Variants in RGS17 observed in about 807,000 individuals in gnomAD.
The protein encoded by RGS17 is regulator of G protein signaling 17, also known as regulator of G-protein signaling 17.
A neutral mutation model predicts 25.5 loss-of-function variants in RGS17; 12 were observed. The ratio of observed to expected loss-of-function variants is 0.47; its 90% CI spans 0.30 to 0.76. The LOEUF is 0.76. RGS17 is among the 30% of genes least tolerant of loss of function. The probability of loss-of-function intolerance (pLI) is 0.07; values close to 1 mark genes in which losing one functional copy is unlikely to be tolerated. For synonymous variants in RGS17, 71 were observed against 76.9 expected (o/e 0.92, Z 0.40); for missense variants, 196 against 242.2 (o/e 0.81, Z 1.27).
chr6:153,085,635 A>G (rs1050635069), intron 1 of RGS17, among the ~76,000 whole-genome samples: 4 of 152,244 alleles, frequency 2.6e-5, no homozygotes, highest in Non-Finnish European at 2.9e-5. Flanking sequence ...CCCAAGGATA[A>G]TAACTTTTGA....
At chr6:153,101,192 T>A (rs912798690) in intron 1 of RGS17, among the ~76,000 whole-genome samples, 2 of 152,244 alleles carry the variant, frequency 1.3e-5, no homozygotes, top group Admixed American at 1.3e-4. Flanking sequence ...CTATGAATAC[T>A]CTATACAGTT....
rs1562310604 is a variant in RGS17, at chr6:153,010,095, G to T, written c.*1479C>A. On this transcript the variant is annotated 3_prime_UTR_variant, in exon 5 of 5. Transcript: ENST00000206262. Reference sequence around the variant, plus strand: ...ACTGTAATATCATCCTTAATATAAGGCCAGTGTTCTCAGTGGATATAAATC... The same window carrying T: ...ACTGTAATATCATCCTTAATATAAGTCCAGTGTTCTCAGTGGATATAAATC... The T allele has an allele frequency of 6.6e-6, 1 of 151,296 alleles. No individual in the cohort carries two copies. 9.4% of individuals were successfully genotyped at this position (151,296 alleles called of 1,614,324 possible).
intron 2 of RGS17, among the ~76,000 whole-genome samples, chr6:153,033,679 C>T (rs547263939): frequency 7.9e-5 from 12 of 152,176 alleles, no homozygotes; most frequent in Non-Finnish European, 1.5e-4. Context: ...GATGGCACCA[C>T]TGCACTCCAG....
intron 2 of RGS17, among the ~76,000 whole-genome samples, chr6:153,027,789 G>GGCT (rs1479284359): frequency 6.6e-6 from 1 of 152,114 alleles, no homozygotes; most frequent in Non-Finnish European, 1.5e-5. Flanking sequence ...TATGAACCAT[G>GGCT]GCTGCTGATA....
In RGS17 at chr6:153,049,278, A is replaced by G. The variant is rs147862301; in HGVS notation, c.-25-5235T>C. Among the ~76,000 whole-genome samples, 5 of 152,308 alleles carry G rather than the reference A, an allele frequency of 3.3e-5. No homozygotes were observed. In the East Asian group the frequency reaches 5.8e-4, roughly 18 times the overall value. ...ATGAATTTGAATATATAAGAAAAAT[A>G]AAGGCATAGTTCAATAGCAAAACCA... On this transcript the variant is annotated intron_variant, in intron 1 of 4. Transcript: ENST00000206262.
intron 1 of RGS17, among the ~76,000 whole-genome samples, chr6:153,113,880 A>G (rs1008953984): frequency 7.2e-5 from 11 of 152,208 alleles, no homozygotes; most frequent in Admixed American, 3.9e-4. Context: ...TTTGAAACCA[A>G]TGAGAACAAA....
intron 1 of RGS17, among the ~76,000 whole-genome samples, chr6:153,100,263 A>G (rs973275954): frequency 9.2e-5 from 14 of 152,182 alleles, no homozygotes; most frequent in Admixed American, 8.5e-4. Flanking sequence ...TACATCATAT[A>G]TTTTTTGTAA....
chr6:153,058,898 A>AT (rs34700376), intron 1 of RGS17, among the ~76,000 whole-genome samples: 93 of 147,124 alleles, frequency 6.3e-4, no homozygotes, highest in African/African-American at 8.2e-4. Flanking sequence ...TCGTTAGCGC[A>AT]TTTTTTTTTT....
chr6:153,050,553 G>GT (rs1220719754), intron 1 of RGS17, among the ~76,000 whole-genome samples: 1 of 152,134 alleles, frequency 6.6e-6, no homozygotes, highest in African/African-American at 2.4e-5. Context: ...ATTTTCCACT[G>GT]TTAAAAAGTC....
At chr6:153,105,868 T>C (rs373954077) in intron 1 of RGS17, among the ~76,000 whole-genome samples, 10 of 152,180 alleles carry the variant, frequency 6.6e-5, no homozygotes, top group African/African-American at 2.2e-4. Flanking sequence ...CTGTAGGTAA[T>C]GGGGAGGCAC....
intron 4 of RGS17, among the ~76,000 whole-genome samples, chr6:153,014,626 G>T (rs969214726): frequency 2.0e-5 from 3 of 152,014 alleles, no homozygotes; most frequent in African/African-American, 4.8e-5. Flanking sequence ...GTGAAAACCC[G>T]TCTCTACTAA....
In RGS17 at chr6:153,050,488, G is replaced by C. The variant is rs571510713; in HGVS notation, c.-25-6445C>G. 1.3e-4 allele frequency among the ~76,000 whole-genome samples: 20 copies of C among 152,254 alleles called. 1 individual carries two copies. Among genetic ancestry groups the C allele is most frequent in the Middle Eastern group, 6.8e-3 (2 of 294 alleles). On this transcript the variant is annotated intron_variant, in intron 1 of 4. Coordinates refer to ENST00000206262, the MANE Select transcript of RGS17 (RefSeq NM_012419.5). ...ATAAATACTCCAAATTAAATGAATA[G>C]ATGCTCAGAACTATTAATCAGAGAA...
chr6:153,023,349 C>A, intron 4 of RGS17: 1 of 506,514 alleles, frequency 2.0e-6, no homozygotes, highest in Non-Finnish European at 3.9e-6. Flanking sequence ...ACAAAAAAGA[C>A]AAAAAGAGGC....
At chr6:153,048,239 A>AGGCTTTTC in intron 1 of RGS17, among the ~76,000 whole-genome samples, 1 of 152,282 alleles carries the variant, frequency 6.6e-6, no homozygotes, top group East Asian at 1.9e-4. Context: ...ACTGAATGAA[A>AGGCTTTTC]AGCCTCATCC....
rs1325842229 is a variant in RGS17 at position 153,004,999 on chromosome 6, A to G, written c.*6575T>C. The G allele has an allele frequency of 6.6e-6, 1 of 152,232 alleles. No homozygotes were observed. The highest frequency in any genetic ancestry group is 1.5e-5 in the Non-Finnish European group (1 of 68,030). The allele number at this position is 152,232 out of a possible 1,614,324, so 9.4% of individuals were successfully genotyped here. A position where few individuals can be genotyped will look rare whatever the true frequency, so the allele number is the denominator to read the frequency against. ...TAATTTTACAAAACCAAACACATTGAATTCTTTTTAATATTTAGCAAACAT... is the reference window on the plus strand; with the variant it reads ...TAATTTTACAAAACCAAACACATTGGATTCTTTTTAATATTTAGCAAACAT... On this transcript the variant is annotated 3_prime_UTR_variant, in exon 5 of 5. Coordinates refer to ENST00000206262, the MANE Select transcript of RGS17 (RefSeq NM_012419.5).
intron 4 of RGS17, among the ~76,000 whole-genome samples, chr6:153,021,361 T>C (rs1170950280): frequency 6.6e-6 from 1 of 152,194 alleles, no homozygotes; most frequent in African/African-American, 2.4e-5. Context: ...GTATTGTGGC[T>C]GATTAGAAAT....
chr6:153,053,223 A>G lies in RGS17; in HGVS notation c.-25-9180T>C, dbSNP rs143027725. Among the ~76,000 whole-genome samples the G allele has an allele frequency of 1.3e-4, 20 of 152,358 alleles. 1 individual carries two copies. Among genetic ancestry groups the G allele is most frequent in the Middle Eastern group, 6.8e-3 (2 of 294 alleles). On this transcript the variant is annotated intron_variant, in intron 1 of 4. Transcript: ENST00000206262. ...CTTAAAATGAGTAACTTAGATCTAT[A>G]TGAATCAACTTGAGGCAATCACAAA...
intron 1 of RGS17, among the ~76,000 whole-genome samples, chr6:153,079,525 T>G (rs1222823941): frequency 6.6e-6 from 1 of 152,250 alleles, no homozygotes; most frequent in African/African-American, 2.4e-5. Context: ...CAAATTAATG[T>G]TGAATTTTGT....
intron 1 of RGS17, among the ~76,000 whole-genome samples, chr6:153,045,498 A>C (rs1287957073): frequency 6.6e-6 from 1 of 152,208 alleles, no homozygotes; most frequent in Non-Finnish European, 1.5e-5. Flanking sequence ...AATTTTCCAA[A>C]ATCACTGGCA....
Sources: allele counts gnomAD v4.1 joint callset (sites outside exome capture counted in the v4.1 genomes callset), GRCh38; gene constraint gnomAD v4.1.1; transcripts MANE v1.5; gene names NCBI Gene and HGNC (gene_info 2026-07-23, HGNC 2026-07-21).